RAB38: variants seen among roughly 807,000 people sequenced by gnomAD.
The protein encoded by RAB38 is ras-related protein Rab-38.
A neutral mutation model predicts 18.4 loss-of-function variants in RAB38; 15 were observed. That is an observed-to-expected ratio of 0.82 (90% confidence interval 0.55 to 1.26). The LOEUF (loss-of-function observed/expected upper bound fraction) is 1.26, where lower values mean the gene tolerates loss of function less well. Ranked by LOEUF, RAB38 falls within the 50% of genes most tolerant of loss-of-function variation. RAB38 has a pLI of 0.00. For missense variants in RAB38, 294 were observed against 267.4 expected (o/e 1.10, Z -0.69); for synonymous variants, 101 against 104.4 (o/e 0.97, Z 0.20).
the RAB38 span, among the ~76,000 whole-genome samples, chr11:87,870,947 C>T: frequency 6.6e-6 from 1 of 151,584 alleles, no homozygotes; most frequent in Non-Finnish European, 1.5e-5. Flanking sequence ...TTATATCACA[C>T]ATAGCATTAT....
At chr11:88,138,432 A>T (rs1942861774) in intron 2 of RAB38, among the ~76,000 whole-genome samples, 1 of 152,222 alleles carries the variant, frequency 6.6e-6, no homozygotes, top group South Asian at 2.1e-4. Context: ...AGAAAATTAA[A>T]TTCTCATCTA....
At chr11:87,861,275 C>T in the RAB38 span, among the ~76,000 whole-genome samples, 2 of 151,864 alleles carry the variant, frequency 1.3e-5, no homozygotes, top group African/African-American at 2.4e-5. Context: ...TACACAGTTC[C>T]GACTGAAAAA....
chr11:87,941,896 G>GCA, the RAB38 span, among the ~76,000 whole-genome samples: 32 of 152,220 alleles, frequency 2.1e-4, no homozygotes, highest in African/African-American at 7.0e-4. Flanking sequence ...TTACCTGTCA[G>GCA]CAGAAAGAAG....
the RAB38 span, among the ~76,000 whole-genome samples, chr11:87,897,920 A>G: frequency 2.6e-5 from 4 of 151,646 alleles, no homozygotes; most frequent in Non-Finnish European, 5.9e-5. Flanking sequence ...GACATGACTC[A>G]GAATCCTTGT....
the RAB38 span, among the ~76,000 whole-genome samples, chr11:88,038,719 T>C: frequency 6.6e-6 from 1 of 152,202 alleles, no homozygotes; most frequent in Admixed American, 6.5e-5. Flanking sequence ...GAATTATATA[T>C]CTGCAAAATC....
the RAB38 span, among the ~76,000 whole-genome samples, chr11:87,872,567 C>T: frequency 4.6e-5 from 7 of 151,628 alleles, no homozygotes; most frequent in African/African-American, 1.2e-4. Flanking sequence ...AAAAGTTTCA[C>T]TGCCCTAAAA....
the RAB38 span, among the ~76,000 whole-genome samples, chr11:87,930,705 T>A: frequency 6.6e-6 from 1 of 152,108 alleles, no homozygotes; most frequent in Non-Finnish European, 1.5e-5. Flanking sequence ...TGAGGTCCAA[T>A]GTTTAAGTCT....
chr11:88,015,451 A>G, the RAB38 span, among the ~76,000 whole-genome samples: 1 of 152,154 alleles, frequency 6.6e-6, no homozygotes, highest in Non-Finnish European at 1.5e-5. Context: ...ATGGTTTGCT[A>G]TAAGGATTGA....
the RAB38 span, among the ~76,000 whole-genome samples, chr11:87,833,350 A>G: frequency 6.6e-6 from 1 of 152,208 alleles, no homozygotes; most frequent in South Asian, 2.1e-4. Flanking sequence ...TTTCCCATCT[A>G]GAATTCTATG....
the RAB38 span, among the ~76,000 whole-genome samples, chr11:87,827,385 A>G: frequency 1.3e-5 from 2 of 151,914 alleles, no homozygotes; most frequent in South Asian, 4.1e-4. Context: ...TTTATTGGAA[A>G]GTTTTAAAGT....
At chr11:88,023,303 A>G in the RAB38 span, among the ~76,000 whole-genome samples, 1 of 151,984 alleles carries the variant, frequency 6.6e-6, no homozygotes, top group African/African-American at 2.4e-5. Context: ...TTCCATTTAT[A>G]ATAGTAACAA....
chr11:87,952,565 G>A, the RAB38 span, among the ~76,000 whole-genome samples: 2 of 152,104 alleles, frequency 1.3e-5, no homozygotes, highest in Non-Finnish European at 1.5e-5. Context: ...TAAAGCTGTT[G>A]GTCCAAGAGG....
chr11:88,028,392 A>G, the RAB38 span, among the ~76,000 whole-genome samples: 3 of 152,200 alleles, frequency 2.0e-5, no homozygotes, highest in Non-Finnish European at 2.9e-5. Flanking sequence ...TGACTTTGAC[A>G]AGCTGAGAGA....
the RAB38 span, among the ~76,000 whole-genome samples, chr11:87,830,769 AAT>A: frequency 6.6e-6 from 1 of 152,064 alleles, no homozygotes; most frequent in Non-Finnish European, 1.5e-5. Flanking sequence ...AAGGAAATTA[AAT>A]TTTAATAAAT....
the RAB38 span, among the ~76,000 whole-genome samples, chr11:87,953,706 T>A: frequency 6.6e-6 from 1 of 152,130 alleles, no homozygotes; most frequent in Non-Finnish European, 1.5e-5. Flanking sequence ...GTTTCAGGCA[T>A]CCAGTGAGAG....
At chr11:87,843,541 C>T in the RAB38 span, among the ~76,000 whole-genome samples, 1 of 152,138 alleles carries the variant, frequency 6.6e-6, no homozygotes, top group Non-Finnish European at 1.5e-5. Context: ...CTAATATGTA[C>T]ATCAATACTT....
chr11:87,941,212 G>GATATATATATATATATAT, the RAB38 span, among the ~76,000 whole-genome samples: 396 of 37,664 alleles, frequency 0.011, 38 homozygotes, highest in South Asian at 0.017. Context: ...ATAAATATAT[G>GATATATATATATATATAT]AGATATATAT....
chr11:87,920,293 C>G, the RAB38 span, among the ~76,000 whole-genome samples: 1 of 151,746 alleles, frequency 6.6e-6, no homozygotes, highest in Non-Finnish European at 1.5e-5. Flanking sequence ...AATCTTCTCT[C>G]TTAGGACTGT....
the RAB38 span, among the ~76,000 whole-genome samples, chr11:87,864,348 A>G: frequency 2.7e-5 from 4 of 150,298 alleles, no homozygotes; most frequent in Admixed American, 1.3e-4. Flanking sequence ...ATATTATATC[A>G]TATAATGTTG....
Sources: allele counts gnomAD v4.1 joint callset (sites outside exome capture counted in the v4.1 genomes callset), GRCh38; gene constraint gnomAD v4.1.1; transcripts MANE v1.5; gene names NCBI Gene and HGNC (gene_info 2026-07-23, HGNC 2026-07-21).